The following MEI1 variants were observed in gnomAD, a reference collection of about 807,000 sequenced individuals.
MEI1 encodes the protein meiosis inhibitor protein 1.
MEI1 carries 103 observed loss-of-function variants against 146.2 expected under a neutral mutation model. That is an observed-to-expected ratio of 0.70 (90% CI 0.60 to 0.83). MEI1 has a LOEUF of 0.83. Among genes scored for constraint, MEI1 ranks in the 40% least tolerant of loss-of-function variants. The pLI, the probability that MEI1 is intolerant of heterozygous loss-of-function variation, is 0.00. For synonymous variants in MEI1, 652 were observed against 628.2 expected, an observed-to-expected ratio of 1.04 and a Z score of -0.57; for missense variants, 1,529 against 1,533.0, an observed-to-expected ratio of 1.00 and a Z score of 0.04.
At chr22:41,702,765 CT>C (rs908078185) in intron 1 of MEI1, among the ~76,000 whole-genome samples, 5 of 148,320 alleles carry the variant, frequency 3.4e-5, no homozygotes, top group Admixed American at 6.7e-5. Context: ...CTTTTCTTTT[CT>C]TTTTTTTTTG....
chr22:41,792,718 A>G (rs146353315), intron 26 of MEI1, among the ~76,000 whole-genome samples: 1,559 of 152,298 alleles, frequency 0.01, 13 homozygotes, highest in Non-Finnish European at 0.017. Context: ...GCACCATTTT[A>G]TCTTCCCACC....
chr22:41,771,034 G>T (rs1273063840), intron 20 of MEI1, 73 bp downstream of exon 20: 21 of 1,523,846 alleles, frequency 1.4e-5, no homozygotes, highest in South Asian at 3.8e-5. Context: ...GTTTACTGAG[G>T]TCAGGAGGCA....
At chr22:41,729,183 A>AAAAG (rs10700338) in intron 7 of MEI1, among the ~76,000 whole-genome samples, 34 of 148,454 alleles carry the variant, frequency 2.3e-4, no homozygotes, top group Non-Finnish European at 2.4e-4. Flanking sequence ...AAAAAAAAAA[A>AAAAG]GGTACCAGGC....
chr22:41,703,540 A>C, intron 2 of MEI1, 86 bp downstream of exon 2: 1 of 1,272,924 alleles, frequency 7.9e-7, no homozygotes, highest in Middle Eastern at 2.0e-4. Context: ...ATGATCTTAG[A>C]TGATTTAGGT....
At chr22:41,700,222 G>A (rs2068594486) in intron 1 of MEI1, among the ~76,000 whole-genome samples, 1 of 152,250 alleles carries the variant, frequency 6.6e-6, no homozygotes, top group South Asian at 2.1e-4. Context: ...GGACAGGAGT[G>A]ACAGGTTACA....
At chr22:41,775,610 T>A (rs1449268414) in intron 20 of MEI1, among the ~76,000 whole-genome samples, 1 of 151,516 alleles carries the variant, frequency 6.6e-6, no homozygotes, top group Non-Finnish European at 1.5e-5. Context: ...TTTTTTTTTT[T>A]TGAGACAGAG....
chr22:41,777,158 AT>A (rs11429191), intron 21 of MEI1, among the ~76,000 whole-genome samples: 5,064 of 140,768 alleles, frequency 0.036, 297 homozygotes, highest in African/African-American at 0.12. Context: ...TTTAAAAATA[AT>A]TTTTTTTTTT....
Position 41,784,715 on chromosome 22 carries a change from G to A in MEI1, c.3277G>A (p.Val1093Ile). The A allele has an allele frequency of 1.9e-6, 3 of 1,613,574 alleles. No homozygotes were observed. Among genetic ancestry groups the A allele is most frequent in the Non-Finnish European group, 2.5e-6 (3 of 1,179,778 alleles). ...AQPLPATKDT[V>I]LAPLRMSQVR... Reference sequence around the variant, plus strand: ...GCCACTGCCAGCCACCAAGGACACTGTCCTAGCTCCACTGCGAATGTCGCA... The same window carrying A: ...GCCACTGCCAGCCACCAAGGACACTATCCTAGCTCCACTGCGAATGTCGCA... Residue 1093 changes from valine (V) to isoleucine (I), a missense_variant, in exon 26 of 31, where the codon GTC (valine) becomes ATC (isoleucine). Physicochemically the swap from Val to Ile is conservative, Grantham distance 29. Coordinates refer to ENST00000401548, the MANE Select transcript of MEI1 (RefSeq NM_152513.4).
chr22:41,790,581 A>C (rs1367375678), intron 26 of MEI1, among the ~76,000 whole-genome samples: 1 of 150,368 alleles, frequency 6.7e-6, no homozygotes, highest in East Asian at 2.0e-4. Flanking sequence ...ATCTTCTTCC[A>C]CTGAACTTCT....
At chr22:41,739,208 T>G (rs2072653472) in intron 11 of MEI1, among the ~76,000 whole-genome samples, 1 of 152,226 alleles carries the variant, frequency 6.6e-6, no homozygotes, top group Non-Finnish European at 1.5e-5. Flanking sequence ...TTTAAGACAT[T>G]ATTCATTGAC....
In MEI1 at chr22:41,763,299, AC is replaced by A; in HGVS notation, c.2247del (p.Asp749GlufsTer18). The A allele has an allele frequency of 6.2e-7, 1 of 1,613,936 alleles. No individual in the cohort carries two copies. The highest frequency in any genetic ancestry group is 1.1e-5 in the South Asian group (1 of 91,084). On this transcript the variant is annotated frameshift_variant, in exon 19 of 31. Transcript: ENST00000401548. LOFTEE classifies it high-confidence loss of function. ...ATCTATCTGCTTGCAATCTGCCAGG[AC>A]AAAGACAATACACTACGTGAGGTAT... ...ASIYLLAICQ[D>X]KDNTLRETMV...
At chr22:41,798,245 ACAATG>A (rs1343004742) in intron 30 of MEI1, among the ~76,000 whole-genome samples, 1 of 151,758 alleles carries the variant, frequency 6.6e-6, no homozygotes, top group Non-Finnish European at 1.5e-5. Context: ...ACACACACAC[ACAATG>A]TGTGTGTGTC....
At chr22:41,774,904 C>T (rs148539433) in intron 20 of MEI1, among the ~76,000 whole-genome samples, 102 of 152,304 alleles carry the variant, frequency 6.7e-4, no homozygotes, top group African/African-American at 2.4e-3. Flanking sequence ...GTGACCCCAT[C>T]CCTCTCCTTC....
rs768169126 is a variant in MEI1 at position 41,705,567 on chromosome 22, CTTGTAT to C, written c.349+14_349+19del. The C allele has an allele frequency of 2.1e-5, 34 of 1,608,604 alleles. No homozygotes were observed. The East Asian group carries it at 7.4e-4, about 35-fold the overall frequency. ...CTCTGTATTGAAGGTAAGTTGAAAC[CTTGTAT>C]CTAGCACTTGAAGATGAAAGTATTA... On this transcript the variant is annotated intron_variant, in intron 3 of 30. Coordinates refer to ENST00000401548, the MANE Select transcript of MEI1 (RefSeq NM_152513.4).
At chr22:41,759,615 G>A (rs1238249971) in intron 18 of MEI1, among the ~76,000 whole-genome samples, 1 of 142,654 alleles carries the variant, frequency 7.0e-6, no homozygotes, top group Non-Finnish European at 1.5e-5. Flanking sequence ...GGGCGACAGA[G>A]CGAGACTCCG....
intron 13 of MEI1, 91 bp from the exon 14 acceptor site, chr22:41,745,794 C>T: frequency 7.5e-7 from 1 of 1,338,922 alleles, no homozygotes; most frequent in South Asian, 1.5e-5. Context: ...GGACCCTGAG[C>T]ACAGGCACTC....
intron 20 of MEI1, among the ~76,000 whole-genome samples, chr22:41,775,112 G>A (rs960450451): frequency 2.0e-5 from 3 of 152,234 alleles, no homozygotes; most frequent in Admixed American, 6.5e-5. Context: ...GGAGCTATCA[G>A]TAGGGTAGCC....
chr22:41,704,396 G>A (rs73161356), intron 2 of MEI1, among the ~76,000 whole-genome samples: 2,422 of 150,472 alleles, frequency 0.016, 48 homozygotes, highest in Admixed American at 0.058. Context: ...TTGCTGTACC[G>A]CATTGACAAT....
chr22:41,757,249 C>T, intron 17 of MEI1, among the ~76,000 whole-genome samples: 1 of 152,226 alleles, frequency 6.6e-6, no homozygotes, highest in East Asian at 1.9e-4. Context: ...GGCCCGCCAC[C>T]TCGCCTGGCT....
Sources: gnomAD v4.1 joint callset for allele counts (sites outside exome capture counted in the v4.1 genomes callset) on GRCh38, gnomAD v4.1.1 for gene constraint, MANE v1.5 for transcripts, NCBI Gene and HGNC (gene_info 2026-07-23, HGNC 2026-07-21) for gene names.